Variants in XKR9 observed in about 807,000 individuals in gnomAD.
XKR9 encodes the protein XK-related protein 9.
A neutral mutation model predicts 32.0 loss-of-function variants in XKR9; 32 were observed. The ratio of observed to expected loss-of-function variants is 1.00; its 90% CI spans 0.76 to 1.34. The LOEUF (loss-of-function observed/expected upper bound fraction) is 1.34, where lower values mean the gene tolerates loss of function less well. Among genes scored for constraint, XKR9 ranks in the 40% most tolerant of loss-of-function variants. The pLI is 0.00. For missense variants in XKR9, 546 were observed against 429.7 expected, an observed-to-expected ratio of 1.27 and a Z score of -2.39; for synonymous variants, 168 against 143.4, an observed-to-expected ratio of 1.17 and a Z score of -1.22.
At chr8:70,753,740 A>G (rs1246820846) in intron 2 of XKR9, among the ~76,000 whole-genome samples, 1 of 151,906 alleles carries the variant, frequency 6.6e-6, no homozygotes, top group Non-Finnish European at 1.5e-5. Context: ...AACTCTCAAT[A>G]AATTAGGTAC....
At chr8:70,831,963 C>G in the XKR9 span, among the ~76,000 whole-genome samples, 2 of 152,156 alleles carry the variant, frequency 1.3e-5, no homozygotes, top group African/African-American at 4.8e-5. Flanking sequence ...TCTTATGTGT[C>G]TGAGCAGCTG....
chr8:71,065,175 T>C, the XKR9 span, among the ~76,000 whole-genome samples: 3 of 152,180 alleles, frequency 2.0e-5, no homozygotes, highest in African/African-American at 7.2e-5. Context: ...GTGGACTGAA[T>C]TGTGTTCCCC....
the XKR9 span, among the ~76,000 whole-genome samples, chr8:70,978,429 G>T: frequency 2.0e-5 from 3 of 152,112 alleles, no homozygotes; most frequent in East Asian, 5.8e-4. Context: ...GGGCAGGCCT[G>T]GTGGTGACAA....
the XKR9 span, among the ~76,000 whole-genome samples, chr8:70,823,718 A>G: frequency 6.6e-6 from 1 of 152,136 alleles, no homozygotes; most frequent in African/African-American, 2.4e-5. Context: ...ATGTTTTCAT[A>G]TCTCAACGAG....
At chr8:70,951,666 A>G in the XKR9 span, among the ~76,000 whole-genome samples, 1 of 152,272 alleles carries the variant, frequency 6.6e-6, no homozygotes, top group African/African-American at 2.4e-5. Context: ...CAAAGCCTCC[A>G]GCAGAACCTC....
chr8:70,743,915 G>T (rs918742059), intron 2 of XKR9, among the ~76,000 whole-genome samples: 5 of 151,988 alleles, frequency 3.3e-5, no homozygotes, highest in Admixed American at 2.6e-4. Context: ...TTGCTGTGAA[G>T]TGCTTTGAGG....
At chr8:70,812,056 A>G in the XKR9 span, among the ~76,000 whole-genome samples, 3 of 152,252 alleles carry the variant, frequency 2.0e-5, no homozygotes, top group African/African-American at 7.2e-5. Flanking sequence ...AATACTGGCA[A>G]ACCGAATCCA....
chr8:70,944,306 G>A, the XKR9 span, among the ~76,000 whole-genome samples: 1 of 152,160 alleles, frequency 6.6e-6, no homozygotes, highest in Admixed American at 6.5e-5. Flanking sequence ...GCCTAAGAAA[G>A]AACCATCAGG....
At chr8:70,821,567 T>C in the XKR9 span, among the ~76,000 whole-genome samples, 1 of 152,182 alleles carries the variant, frequency 6.6e-6, no homozygotes, top group Non-Finnish European at 1.5e-5. Flanking sequence ...TACAGCAAAC[T>C]TCTGCCTAGA....
At chr8:70,857,876 C>T in the XKR9 span, among the ~76,000 whole-genome samples, 1 of 152,120 alleles carries the variant, frequency 6.6e-6, no homozygotes, top group Non-Finnish European at 1.5e-5. Context: ...ACGTGATTAT[C>T]TCAATAGATG....
downstream of XKR9, among the ~76,000 whole-genome samples, chr8:70,736,551 G>T (rs1057019584): frequency 3.3e-5 from 5 of 152,202 alleles, no homozygotes; most frequent in Non-Finnish European, 7.3e-5. Flanking sequence ...CCATGCCTAT[G>T]TCCTGAATGG....
chr8:71,065,182 C>A, the XKR9 span, among the ~76,000 whole-genome samples: 1 of 152,102 alleles, frequency 6.6e-6, no homozygotes. Flanking sequence ...GAATTGTGTT[C>A]CCCAAAATTT....
the XKR9 span, among the ~76,000 whole-genome samples, chr8:70,895,970 T>G: frequency 1.3e-5 from 2 of 152,124 alleles, no homozygotes. Context: ...ATCGCACCAC[T>G]GCAATCCAGC....
intron 2 of XKR9, among the ~76,000 whole-genome samples, chr8:70,757,398 T>C (rs544832188): frequency 1.3e-5 from 2 of 152,320 alleles, no homozygotes; most frequent in Non-Finnish European, 2.9e-5. Context: ...TCAAACATCC[T>C]GTTGAGACCT....
At chr8:70,744,991 G>A (rs1298817262) in intron 2 of XKR9, among the ~76,000 whole-genome samples, 2 of 150,248 alleles carry the variant, frequency 1.3e-5, no homozygotes, top group African/African-American at 2.4e-5. Context: ...AGCTGGACTT[G>A]TGTCACTGTT....
the XKR9 span, among the ~76,000 whole-genome samples, chr8:70,879,665 A>T: frequency 6.6e-6 from 1 of 152,188 alleles, no homozygotes; most frequent in Non-Finnish European, 1.5e-5. Context: ...GGTAATAATT[A>T]ATAGCCTACC....
At chr8:70,708,823 G>GA (rs1586841277) in intron 4 of XKR9, among the ~76,000 whole-genome samples, 4 of 151,998 alleles carry the variant, frequency 2.6e-5, no homozygotes, top group South Asian at 2.1e-4. Flanking sequence ...CTACCAACCA[G>GA]AAAAAACCTT....
At chr8:70,808,436 T>C in the XKR9 span, among the ~76,000 whole-genome samples, 1 of 152,154 alleles carries the variant, frequency 6.6e-6, no homozygotes, top group Non-Finnish European at 1.5e-5. Context: ...CTGGGGATTG[T>C]TGGACAGTGG....
At chr8:70,802,028 C>G in the XKR9 span, among the ~76,000 whole-genome samples, 1 of 151,726 alleles carries the variant, frequency 6.6e-6, no homozygotes, top group Non-Finnish European at 1.5e-5. Context: ...GCTCCGCCTC[C>G]CAGGTTCACG....
Sources: gnomAD v4.1 joint callset for allele counts (sites outside exome capture counted in the v4.1 genomes callset) on GRCh38, gnomAD v4.1.1 for gene constraint, MANE v1.5 for transcripts, NCBI Gene and HGNC (gene_info 2026-07-23, HGNC 2026-07-21) for gene names.